The following SAMD12 variants were observed in gnomAD, a reference collection of about 807,000 sequenced individuals.
The protein encoded by SAMD12 is sterile alpha motif domain-containing protein 12.
In SAMD12, 9 loss-of-function variants were observed where a neutral mutation model predicts 15.0. The observed-to-expected ratio is 0.60, with a 90% CI of 0.36 to 1.05. The LOEUF is 1.05. Among genes scored for constraint, SAMD12 ranks in the 50% least tolerant of loss-of-function variants. The pLI is 0.01. For synonymous variants in SAMD12, 86 were observed against 90.1 expected (o/e 0.96, Z 0.25); for missense variants, 230 against 234.2 (o/e 0.98, Z 0.12).
At chr8:118,189,144 G>A (rs80345080), downstream of SAMD12, among the ~76,000 whole-genome samples, 400 of 152,140 alleles carry the variant, frequency 2.6e-3, 1 homozygote, top group Admixed American at 3.9e-3. Context: ...TGCATCTATC[G>A]TCCAGCTGTG....
chr8:118,143,184 A>G, the SAMD12 span, among the ~76,000 whole-genome samples: 2 of 152,134 alleles, frequency 1.3e-5, no homozygotes. Flanking sequence ...TTTATGGAGA[A>G]TCATTTGTGC....
chr8:118,491,486 G>A (rs964685316), intron 2 of SAMD12, among the ~76,000 whole-genome samples: 10 of 151,738 alleles, frequency 6.6e-5, no homozygotes, highest in African/African-American at 2.4e-4. Context: ...TTTATTTTTA[G>A]GTAAAATTTA....
At chr8:118,307,947 C>T (rs1815429656) in intron 4 of SAMD12, among the ~76,000 whole-genome samples, 1 of 152,202 alleles carries the variant, frequency 6.6e-6, no homozygotes, top group Non-Finnish European at 1.5e-5. Context: ...TGGCTGCTGC[C>T]CTTGACCAAA....
chr8:118,507,070 G>A (rs2131055229), intron 2 of SAMD12, among the ~76,000 whole-genome samples: 1 of 152,146 alleles, frequency 6.6e-6, no homozygotes, highest in South Asian at 2.1e-4. Context: ...AATCAGTCTA[G>A]CTACAACCAA....
At chr8:118,550,071 C>T (rs542624403) in intron 2 of SAMD12, among the ~76,000 whole-genome samples, 10 of 152,220 alleles carry the variant, frequency 6.6e-5, no homozygotes, top group South Asian at 2.1e-4. Context: ...CTGAAAGTGA[C>T]AGGGAGAATG....
At chr8:118,228,012 C>G (rs537173592) in intron 4 of SAMD12, among the ~76,000 whole-genome samples, 13 of 152,112 alleles carry the variant, frequency 8.5e-5, no homozygotes, top group Non-Finnish European at 1.6e-4. Context: ...TTTGACAAAG[C>G]AAACAAAAAT....
the SAMD12 span, among the ~76,000 whole-genome samples, chr8:118,139,905 C>T: frequency 6.6e-6 from 1 of 152,160 alleles, no homozygotes; most frequent in African/African-American, 2.4e-5. Flanking sequence ...TTTCCAGCAG[C>T]TCTGGAGTCA....
chr8:118,318,314 A>ACC (rs1816030911), intron 4 of SAMD12, among the ~76,000 whole-genome samples: 1 of 9,092 alleles, frequency 1.1e-4, no homozygotes, highest in East Asian at 0.024. Flanking sequence ...ATATGTGTAT[A>ACC]TATATATATA....
At chr8:118,325,569 T>C (rs1318117078) in intron 4 of SAMD12, among the ~76,000 whole-genome samples, 3 of 152,212 alleles carry the variant, frequency 2.0e-5, no homozygotes, top group African/African-American at 7.2e-5. Context: ...ACAGTTATCT[T>C]TTTTGTGTGT....
At chr8:118,339,058 G>T (rs1817217796) in intron 4 of SAMD12, among the ~76,000 whole-genome samples, 1 of 152,206 alleles carries the variant, frequency 6.6e-6, no homozygotes, top group African/African-American at 2.4e-5. Flanking sequence ...AGGCACAGTG[G>T]CTCACACCTG....
intron 4 of SAMD12, among the ~76,000 whole-genome samples, chr8:118,243,365 C>A (rs1263541289): frequency 2.0e-5 from 3 of 151,826 alleles, no homozygotes; most frequent in African/African-American, 7.3e-5. Flanking sequence ...CTTGAAAGAG[C>A]CGAAAAAATG....
At chr8:118,517,101 C>A (rs539984136) in intron 2 of SAMD12, among the ~76,000 whole-genome samples, 4 of 152,294 alleles carry the variant, frequency 2.6e-5, no homozygotes, top group Non-Finnish European at 5.9e-5. Context: ...GCCCTCCCTA[C>A]AAATAATCAG....
At chr8:118,383,261 C>A (rs979113943) in intron 3 of SAMD12, among the ~76,000 whole-genome samples, 10 of 152,140 alleles carry the variant, frequency 6.6e-5, no homozygotes, top group Non-Finnish European at 1.3e-4. Context: ...ACTTTTGAAG[C>A]CTTCAGGCTG....
chr8:118,303,031 T>C (rs1372521667), intron 4 of SAMD12, among the ~76,000 whole-genome samples: 1 of 152,226 alleles, frequency 6.6e-6, no homozygotes, highest in Non-Finnish European at 1.5e-5. Flanking sequence ...TACATATGGC[T>C]TTAAATTTAC....
intron 1 of SAMD12, among the ~76,000 whole-genome samples, chr8:118,600,023 G>C (rs552475910): frequency 6.6e-6 from 1 of 152,274 alleles, no homozygotes; most frequent in East Asian, 1.9e-4. Flanking sequence ...GGTAGAGTTG[G>C]ATTGGGTTTT....
At chr8:118,213,431 T>TA (rs376022574) in intron 4 of SAMD12, among the ~76,000 whole-genome samples, 1 of 152,316 alleles carries the variant, frequency 6.6e-6, no homozygotes, top group African/African-American at 2.4e-5. Flanking sequence ...TTATTCCAAA[T>TA]ATCAGCAGCC....
At chr8:118,547,031 A>C (rs1266311338) in intron 2 of SAMD12, among the ~76,000 whole-genome samples, 2 of 152,224 alleles carry the variant, frequency 1.3e-5, no homozygotes, top group Admixed American at 1.3e-4. Context: ...GAATATTCAG[A>C]CTTTTGCTTG....
At chr8:118,581,331 C>T (rs989145271) in intron 1 of SAMD12, among the ~76,000 whole-genome samples, 1 of 152,240 alleles carries the variant, frequency 6.6e-6, no homozygotes, top group African/African-American at 2.4e-5. Context: ...CAAGTCCACT[C>T]TCTTGCATTC....
the SAMD12 span, among the ~76,000 whole-genome samples, chr8:118,133,281 A>G: frequency 7.3e-5 from 11 of 151,626 alleles, no homozygotes; most frequent in Non-Finnish European, 1.6e-4. Flanking sequence ...CTGCTTTTTT[A>G]AGGTGTTATG....
Sources: gnomAD v4.1 joint callset for allele counts (sites outside exome capture counted in the v4.1 genomes callset) on GRCh38, gnomAD v4.1.1 for gene constraint, MANE v1.5 for transcripts, NCBI Gene and HGNC (gene_info 2026-07-23, HGNC 2026-07-21) for gene names.